The following RSPO3 variants were observed in gnomAD, a reference collection of about 807,000 sequenced individuals.
RSPO3 encodes the protein R-spondin 3.
Under a neutral mutation model 36.5 loss-of-function variants are expected in RSPO3, and 17 were observed. The ratio of observed to expected loss-of-function variants is 0.47; its 90% CI spans 0.32 to 0.70. The LOEUF is 0.70. Ranked by LOEUF, RSPO3 falls within the 30% of genes least tolerant of loss-of-function variation. RSPO3 has a pLI of 0.04. For synonymous variants in RSPO3, 108 were observed against 107.0 expected, an observed-to-expected ratio of 1.01 and a Z score of -0.06; for missense variants, 294 against 322.5, an observed-to-expected ratio of 0.91 and a Z score of 0.68.
intron 4 of RSPO3, among the ~76,000 whole-genome samples, chr6:127,177,524 T>A (rs1775079866): frequency 1.3e-5 from 2 of 151,884 alleles, no homozygotes; most frequent in African/African-American, 4.8e-5. Context: ...TAGCACCAGA[T>A]GCTCCATGCC....
intron 3 of RSPO3, among the ~76,000 whole-genome samples, chr6:127,153,035 T>C (rs1230292728): frequency 6.6e-6 from 1 of 152,128 alleles, no homozygotes; most frequent in African/African-American, 2.4e-5. Flanking sequence ...TATTCAACTT[T>C]CTTGCCAATT....
chr6:127,135,737 G>A (rs1407694070), intron 1 of RSPO3, among the ~76,000 whole-genome samples: 1 of 152,026 alleles, frequency 6.6e-6, no homozygotes, highest in Non-Finnish European at 1.5e-5. Flanking sequence ...GACCAGCCTG[G>A]GCAACATGGC....
intron 1 of RSPO3, among the ~76,000 whole-genome samples, chr6:127,137,210 G>T (rs947102911): frequency 6.6e-6 from 1 of 152,044 alleles, no homozygotes; most frequent in African/African-American, 2.4e-5. Context: ...TGGCCAAATG[G>T]TGAAACCACG....
chr6:127,181,440 A>G (rs1420652973), intron 4 of RSPO3, among the ~76,000 whole-genome samples: 1 of 151,932 alleles, frequency 6.6e-6, no homozygotes, highest in African/African-American at 2.4e-5. Context: ...GATGCCTGAA[A>G]AGAGTTGCTA....
At position 127,144,643 on chromosome 6, in the gene RSPO3, G is replaced by GTTTTTTTTTTTTTTTTTTTTTTTT. The variant is rs56388820; in HGVS notation, c.98-3992_98-3991insTTTTTTTTTTTTTTTTTTTTTTTT. Among the ~76,000 whole-genome samples, 4 of 99,120 alleles carry GTTTTTTTTTTTTTTTTTTTTTTTT rather than the reference G, an allele frequency of 4.0e-5. 1 individual carries two copies. The highest frequency in any genetic ancestry group is 1.2e-4 in the African/African-American group (3 of 24,104). 65.0% of individuals were successfully genotyped at this position (99,120 alleles called of 152,430 possible). A position where few individuals can be genotyped will look rare whatever the true frequency, so the allele number is the denominator to read the frequency against. ...TGTAATTTTTCAGTAGCTTCCCCTTGTTTTTTTTTTTTTCAGACAGAGTCT... is the reference window on the plus strand; with the variant it reads ...TGTAATTTTTCAGTAGCTTCCCCTTGTTTTTTTTTTTTTTTTTTTTTTTTTTTTTTTTTTTTTCAGACAGAGTCT... On this transcript the variant is annotated intron_variant, in intron 1 of 4. Transcript: ENST00000356698.
intron 3 of RSPO3, among the ~76,000 whole-genome samples, chr6:127,151,472 A>C (rs1193624716): frequency 1.3e-5 from 2 of 151,972 alleles, no homozygotes; most frequent in Non-Finnish European, 2.9e-5. Context: ...GGAACCTTTG[A>C]TGCTGCGGTG....
intron 3 of RSPO3, among the ~76,000 whole-genome samples, chr6:127,150,975 T>C (rs1774480548): frequency 6.6e-6 from 1 of 151,818 alleles, no homozygotes; most frequent in Non-Finnish European, 1.5e-5. Context: ...GAACTTAATT[T>C]TTACCTTAGA....
chr6:127,151,226 T>A (rs1475013595), intron 3 of RSPO3, among the ~76,000 whole-genome samples: 1 of 151,948 alleles, frequency 6.6e-6, no homozygotes, highest in Admixed American at 6.6e-5. Flanking sequence ...TTACTCAAAC[T>A]GACAGATTGA....
chr6:127,191,166 C>T (rs1466574917), intron 4 of RSPO3, among the ~76,000 whole-genome samples: 1 of 152,044 alleles, frequency 6.6e-6, no homozygotes, highest in Non-Finnish European at 1.5e-5. Context: ...AGAAAACTTG[C>T]CTTAAAATTA....
chr6:127,169,057 C>T (rs958514430), intron 4 of RSPO3, among the ~76,000 whole-genome samples: 6 of 151,674 alleles, frequency 4.0e-5, no homozygotes, highest in Non-Finnish European at 8.8e-5. Flanking sequence ...TGTGTATTTA[C>T]CCAGTAATGG....
chr6:127,184,206 T>C (rs568063647), intron 4 of RSPO3, among the ~76,000 whole-genome samples: 1 of 152,082 alleles, frequency 6.6e-6, no homozygotes, highest in African/African-American at 2.4e-5. Context: ...AAATAATCAG[T>C]CCTGTGAATT....
intron 4 of RSPO3, among the ~76,000 whole-genome samples, chr6:127,188,308 T>C (rs1048987630): frequency 2.0e-4 from 30 of 152,300 alleles, no homozygotes; most frequent in Non-Finnish European, 3.4e-4. Flanking sequence ...TTATTATGCT[T>C]AAAGCAGACT....
intron 4 of RSPO3, among the ~76,000 whole-genome samples, chr6:127,161,344 T>G (rs1774706699): frequency 6.6e-6 from 1 of 151,130 alleles, no homozygotes; most frequent in African/African-American, 2.4e-5. Flanking sequence ...TATTGTATGT[T>G]CTTAAACTTC....
chr6:127,192,185 T>G (rs1775425175), intron 4 of RSPO3, among the ~76,000 whole-genome samples: 1 of 152,224 alleles, frequency 6.6e-6, no homozygotes, highest in Admixed American at 6.5e-5. Flanking sequence ...CACACCTCTA[T>G]TTTAGCATTA....
In RSPO3 at chr6:127,159,635, T is replaced by C. The variant is rs147216151; in HGVS notation, c.634+4197T>C. The stretch of plus-strand genomic sequence containing the variant: ...CCAGGCATTATATAAAGGCATTACA[T>C]ACATTCTCCTTTTTTTTTTTTTTTT... On this transcript the variant is annotated intron_variant, in intron 4 of 4. Coordinates refer to ENST00000356698, the MANE Select transcript of RSPO3 (RefSeq NM_032784.5). Among the ~76,000 whole-genome samples the C allele has an allele frequency of 7.3e-3, 1,081 of 149,000 alleles. 8 individuals carry two copies. Among genetic ancestry groups the C allele is most frequent in the Non-Finnish European group, 0.012 (797 of 67,162 alleles).
chr6:127,197,574 G>A lies in RSPO3; in HGVS notation c.*1567G>A. The A allele has an allele frequency of 6.5e-7, 1 of 1,541,148 alleles. No individual in the cohort carries two copies. The highest frequency in any genetic ancestry group is 8.7e-7 in the Non-Finnish European group (1 of 1,143,612). On this transcript the variant is annotated 3_prime_UTR_variant, in exon 5 of 5. Transcript: ENST00000356698. ...TGTTGTCATGGAAGGATGCACGGCTGCTCTGTCCACTGTGATTCCTAGCCC... is the reference window on the plus strand; with the variant it reads ...TGTTGTCATGGAAGGATGCACGGCTACTCTGTCCACTGTGATTCCTAGCCC...
At chr6:127,169,916 C>T (rs959589229) in intron 4 of RSPO3, among the ~76,000 whole-genome samples, 1 of 151,674 alleles carries the variant, frequency 6.6e-6, no homozygotes, top group African/African-American at 2.4e-5. Context: ...CTACTTGAGC[C>T]ACTCTCCCCT....
chr6:127,182,270 A>G (rs1020122806), intron 4 of RSPO3, among the ~76,000 whole-genome samples: 8 of 151,906 alleles, frequency 5.3e-5, no homozygotes, highest in African/African-American at 1.4e-4. Context: ...TTTGCGCTCA[A>G]ATTTCAACAT....
At chr6:127,186,420 C>A (rs1202644440) in intron 4 of RSPO3, among the ~76,000 whole-genome samples, 1 of 151,966 alleles carries the variant, frequency 6.6e-6, no homozygotes, top group Admixed American at 6.6e-5. Flanking sequence ...AAATAGAAAC[C>A]ATTAATTTTG....
Sources: allele counts gnomAD v4.1 joint callset (sites outside exome capture counted in the v4.1 genomes callset), GRCh38; gene constraint gnomAD v4.1.1; transcripts MANE v1.5; gene names NCBI Gene and HGNC (gene_info 2026-07-23, HGNC 2026-07-21).